The following OSBPL10 variants were observed in gnomAD, a reference collection of about 807,000 sequenced individuals.
The protein encoded by OSBPL10 is oxysterol binding protein like 10, also known as oxysterol-binding protein-related protein 10.
Under a neutral mutation model 81.7 loss-of-function variants are expected in OSBPL10, and 49 were observed. That is an observed-to-expected ratio of 0.60 (90% confidence interval 0.48 to 0.76). The LOEUF (loss-of-function observed/expected upper bound fraction) is 0.76. OSBPL10 is among the 30% of genes least tolerant of loss of function. The probability of loss-of-function intolerance (pLI) is 0.00; values close to 1 mark genes in which losing one functional copy is unlikely to be tolerated. For synonymous variants in OSBPL10, 419 were observed against 383.6 expected, an observed-to-expected ratio of 1.09 and a Z score of -1.08; for missense variants, 923 against 987.8, an observed-to-expected ratio of 0.93 and a Z score of 0.88.
chr3:31,745,530 T>A (rs577442654), intron 5 of OSBPL10, among the ~76,000 whole-genome samples: 14 of 152,198 alleles, frequency 9.2e-5, no homozygotes, highest in Non-Finnish European at 1.6e-4. Flanking sequence ...AGAATTATAA[T>A]GCTCGCAAGA....
intron 3 of OSBPL10, among the ~76,000 whole-genome samples, chr3:31,857,261 A>G (rs9875813): frequency 0.038 from 5,818 of 152,328 alleles, 371 homozygotes; most frequent in African/African-American, 0.13. Flanking sequence ...ATTTAATTCA[A>G]ATAAAGGGGA....
intron 1 of OSBPL10, among the ~76,000 whole-genome samples, chr3:31,913,838 G>T (rs1696663258): frequency 6.6e-6 from 1 of 152,186 alleles, no homozygotes; most frequent in African/African-American, 2.4e-5. Context: ...CTAGGAGAAT[G>T]GGAGAACTCT....
At position 31,670,815 on chromosome 3, in the gene OSBPL10, T is replaced by C. The variant is rs1700304243; in HGVS notation, c.1895A>G (p.Tyr632Cys). Residue 632 changes from tyrosine (Y) to cysteine (C), a missense_variant, in exon 9 of 12, where the codon TAT (tyrosine) becomes TGT (cysteine). This residue lies in a region of OSBPL10 where 387 missense variants were observed against 436.3 expected (regional missense o/e 0.89). Coordinates refer to ENST00000396556, the MANE Select transcript of OSBPL10 (RefSeq NM_017784.5). ...ATVIFHTKPF[Y>C]GGKVHRVTAE... ...CTCCTACCTGTGGACTTTCCCTCCA[T>C]AGAAAGGCTTCGTGTGGAATATCAC... 6.2e-7 allele frequency: 1 copy of C among 1,614,006 alleles called. No individual in the cohort carries two copies. Among genetic ancestry groups the C allele is most frequent in the Non-Finnish European group, 8.5e-7 (1 of 1,179,938 alleles).
intron 3 of OSBPL10, among the ~76,000 whole-genome samples, chr3:31,831,717 A>G (rs1700246347): frequency 6.6e-6 from 1 of 152,238 alleles, no homozygotes; most frequent in African/African-American, 2.4e-5. Context: ...CAGATTGGCA[A>G]AAATTCAAAA....
intron 8 of OSBPL10, among the ~76,000 whole-genome samples, chr3:31,674,652 C>T (rs902326003): frequency 8.5e-5 from 13 of 152,122 alleles, no homozygotes; most frequent in African/African-American, 3.1e-4. Flanking sequence ...ACACCTCCCC[C>T]ACCTTGCTTC....
At chr3:31,736,328 A>G (rs542679086) in intron 5 of OSBPL10, among the ~76,000 whole-genome samples, 1 of 152,162 alleles carries the variant, frequency 6.6e-6, no homozygotes, top group East Asian at 1.9e-4. Flanking sequence ...TTAATGGCAA[A>G]AAAAGCATCC....
intron 8 of OSBPL10, among the ~76,000 whole-genome samples, chr3:31,672,011 C>T (rs1052472661): frequency 1.3e-5 from 2 of 152,080 alleles, no homozygotes; most frequent in Non-Finnish European, 2.9e-5. Flanking sequence ...CCCCAGGCCT[C>T]ACTCTAGGGT....
intron 1 of OSBPL10, among the ~76,000 whole-genome samples, chr3:31,976,497 G>A (rs536876979): frequency 1.5e-3 from 222 of 152,326 alleles, no homozygotes; most frequent in African/African-American, 5.2e-3. Context: ...CTGTTGCTCA[G>A]GCTGGAGTCC....
intron 7 of OSBPL10, among the ~76,000 whole-genome samples, chr3:31,690,181 T>C (rs567487782): frequency 2.3e-4 from 35 of 152,236 alleles, no homozygotes; most frequent in African/African-American, 7.9e-4. Context: ...GATTGGATCA[T>C]GGGGGCACAC....
intron 1 of OSBPL10, among the ~76,000 whole-genome samples, chr3:32,047,745 C>T (rs1052787218): frequency 3.3e-5 from 5 of 151,708 alleles, no homozygotes; most frequent in African/African-American, 9.7e-5. Context: ...TCACTGCAAG[C>T]TCCGCCTCCC....
intron 2 of OSBPL10, among the ~76,000 whole-genome samples, chr3:32,012,953 G>A (rs1192875315): frequency 2.6e-5 from 4 of 152,168 alleles, no homozygotes; most frequent in Admixed American, 1.3e-4. Context: ...CAAGTCCTTA[G>A]AGACCTACAA....
intron 1 of OSBPL10, among the ~76,000 whole-genome samples, chr3:31,928,179 A>T (rs1697132607): frequency 6.6e-6 from 1 of 152,122 alleles, no homozygotes; most frequent in Non-Finnish European, 1.5e-5. Context: ...GGTATTTAAA[A>T]CTCTACAGAA....
chr3:31,886,482 A>G (rs1695739552), intron 1 of OSBPL10, among the ~76,000 whole-genome samples: 2 of 152,322 alleles, frequency 1.3e-5, no homozygotes, highest in African/African-American at 4.8e-5. Context: ...AGCTTCATGG[A>G]GAGGGTGGAC....
Position 31,980,952 on chromosome 3 carries a change from C to G in OSBPL10, c.228G>C (p.Ala76=). The G allele has an allele frequency of 6.3e-7, 1 of 1,576,124 alleles. No individual in the cohort carries two copies. The highest frequency in any genetic ancestry group is 8.6e-7 in the Non-Finnish European group (1 of 1,165,218). ...TGTATTTGCTGAGCACGCCCTCGAGCGCCGGCTCCCTCCTGCGGCCGCCTC... is the reference window on the plus strand; with the variant it reads ...TGTATTTGCTGAGCACGCCCTCGAGGGCCGGCTCCCTCCTGCGGCCGCCTC... ...SGGGGRRREP[A]LEGVLSKYTN... The change falls in exon 1 of 12, where the codon GCG becomes GCC. Residue 76 remains alanine, a synonymous_variant. Coordinates refer to ENST00000396556, the MANE Select transcript of OSBPL10 (RefSeq NM_017784.5).
chr3:31,671,922 A>G (rs922545784), intron 8 of OSBPL10, among the ~76,000 whole-genome samples: 33 of 152,092 alleles, frequency 2.2e-4, no homozygotes, highest in African/African-American at 8.0e-4. Flanking sequence ...CATCTTCACA[A>G]GGCACCTCTC....
intron 4 of OSBPL10, among the ~76,000 whole-genome samples, chr3:31,820,330 C>A (rs186935982): frequency 5.0e-4 from 76 of 152,308 alleles, no homozygotes; most frequent in Admixed American, 1.0e-3. Context: ...GGCACGGTGG[C>A]TCACGCCTAT....
At chr3:31,774,339 T>C (rs1698482263) in intron 4 of OSBPL10, among the ~76,000 whole-genome samples, 1 of 151,992 alleles carries the variant, frequency 6.6e-6, no homozygotes, top group Non-Finnish European at 1.5e-5. Flanking sequence ...ATCCAATAAA[T>C]TGACTTTAGA....
intron 3 of OSBPL10, among the ~76,000 whole-genome samples, chr3:31,849,472 T>G (rs1423352088): frequency 6.6e-6 from 1 of 152,132 alleles, no homozygotes; most frequent in Non-Finnish European, 1.5e-5. Context: ...ACTAGAAGAT[T>G]CCTCCTGGTC....
chr3:31,886,952 A>G (rs1465616437), intron 1 of OSBPL10, among the ~76,000 whole-genome samples: 1 of 151,578 alleles, frequency 6.6e-6, no homozygotes, highest in Non-Finnish European at 1.5e-5. Context: ...AAAAAAAAAG[A>G]AAACCCTTCT....
Sources: gnomAD v4.1 joint callset for allele counts (sites outside exome capture counted in the v4.1 genomes callset) on GRCh38, gnomAD v4.1.1 for gene constraint, gnomAD v4.1.1 regional missense constraint, MANE v1.5 for transcripts, NCBI Gene and HGNC (gene_info 2026-07-23, HGNC 2026-07-21) for gene names.